The following CLASP1 variants were observed in gnomAD, a reference collection of about 807,000 sequenced individuals.
CLASP1 encodes the protein CLIP-associating protein 1.
Under a neutral mutation model 192.3 loss-of-function variants are expected in CLASP1, and 38 were observed. The observed-to-expected ratio is 0.20, with a 90% confidence interval of 0.15 to 0.26. The LOEUF is 0.26. Among genes scored for constraint, CLASP1 ranks in the 10% least tolerant of loss-of-function variants. The pLI, the probability that CLASP1 is intolerant of heterozygous loss-of-function variation, is 1.00. For missense variants in CLASP1, 1,433 were observed against 1,932.5 expected (o/e 0.74, Z 4.85); for synonymous variants, 691 against 712.8 (o/e 0.97, Z 0.49).
chr2:121,407,964 C>T, intron 24 of CLASP1: 2 of 582,796 alleles, frequency 3.4e-6, no homozygotes, highest in Non-Finnish European at 6.4e-6. Flanking sequence ...GTAGACTTTA[C>T]AGGAAGACAG....
intron 16 of CLASP1, among the ~76,000 whole-genome samples, chr2:121,449,812 G>A (rs962759838): frequency 6.6e-6 from 1 of 152,134 alleles, no homozygotes; most frequent in African/African-American, 2.4e-5. Context: ...GGCAGTCAAA[G>A]AGCAATAAGT....
intron 2 of CLASP1, chr2:121,603,019 C>G (rs2063970449): frequency 6.6e-6 from 1 of 151,856 alleles, no homozygotes; most frequent in South Asian, 2.1e-4. Flanking sequence ...AAAAGACAAG[C>G]TACAGAATGG....
At chr2:121,627,307 A>C (rs1043999963) in intron 1 of CLASP1, among the ~76,000 whole-genome samples, 22 of 152,220 alleles carry the variant, frequency 1.4e-4, no homozygotes, top group Non-Finnish European at 1.5e-5. Context: ...AAACAAAAGA[A>C]GAAAAAAGTG....
chr2:121,558,005 A>C (rs1366772834), intron 2 of CLASP1, among the ~76,000 whole-genome samples: 1 of 147,162 alleles, frequency 6.8e-6, no homozygotes, highest in Non-Finnish European at 1.5e-5. Context: ...GCTTGAACCC[A>C]GGAGGCTGAG....
chr2:121,417,952 T>C (rs985851919), intron 23 of CLASP1, among the ~76,000 whole-genome samples: 1 of 152,196 alleles, frequency 6.6e-6, no homozygotes, highest in Non-Finnish European at 1.5e-5. Context: ...ATTTCTACGT[T>C]TATGCTTATC....
chr2:121,427,390 G>A lies in CLASP1; in HGVS notation c.2044+14C>T, dbSNP rs2080610772. On this transcript the variant is annotated intron_variant, in intron 21 of 39. Coordinates refer to ENST00000263710, the Ensembl canonical transcript of CLASP1. Reference sequence around the variant, plus strand: ...CAACAACAACAAAAAAAGGCAAGAAGAGAAATGGCTTACCACCAGCAGGAT... The same window carrying A: ...CAACAACAACAAAAAAAGGCAAGAAAAGAAATGGCTTACCACCAGCAGGAT... 1 of 1,612,398 alleles carries A rather than the reference G, an allele frequency of 6.2e-7. No homozygotes were observed. The highest frequency in any genetic ancestry group is 8.5e-7 in the Non-Finnish European group (1 of 1,179,292).
chr2:121,413,309 A>T (rs538967685), intron 23 of CLASP1, among the ~76,000 whole-genome samples: 2 of 152,290 alleles, frequency 1.3e-5, no homozygotes, highest in African/African-American at 4.8e-5. Flanking sequence ...AGGGGGCTTC[A>T]TTTAGAAGAA....
In CLASP1 at chr2:121,573,216, T is replaced by A. The variant is rs540081797; in HGVS notation, c.195+32485A>T. ...CTCAGGTGATTCACCCACCTCAGCC[T>A]CCCCAAGTGCTGGGATTACAGGCGT... On this transcript the variant is annotated intron_variant, in intron 2 of 39. Transcript: ENST00000263710. Among the ~76,000 whole-genome samples the A allele has an allele frequency of 2.6e-5, 4 of 152,214 alleles. No homozygotes were observed. In the East Asian group the frequency reaches 5.8e-4, roughly 22 times the overall value.
intron 36 of CLASP1, chr2:121,364,617 C>T (rs892716371): frequency 6.1e-6 from 1 of 163,688 alleles, no homozygotes; most frequent in Admixed American, 5.7e-5. Flanking sequence ...CTGGAACCTG[C>T]CACTTGACTG....
intron 6 of CLASP1, among the ~76,000 whole-genome samples, chr2:121,517,335 T>G (rs1002121894): frequency 2.0e-5 from 3 of 152,164 alleles, no homozygotes; most frequent in African/African-American, 7.2e-5. Flanking sequence ...GAAGCAGGAA[T>G]ACAAGCAAAA....
chr2:121,640,675 C>T (rs2071883690), intron 1 of CLASP1, among the ~76,000 whole-genome samples: 1 of 144,296 alleles, frequency 6.9e-6, no homozygotes, highest in African/African-American at 2.9e-5. Flanking sequence ...GAAGAACAAC[C>T]TGAGCTGGAA....
chr2:121,496,717 T>C (rs1338913617), intron 8 of CLASP1, among the ~76,000 whole-genome samples: 2 of 152,252 alleles, frequency 1.3e-5, no homozygotes, highest in East Asian at 1.9e-4. Context: ...AATGCCGAGA[T>C]AGGTATTAGT....
intron 2 of CLASP1, among the ~76,000 whole-genome samples, chr2:121,591,584 C>T (rs1468815989): frequency 6.6e-6 from 1 of 152,124 alleles, no homozygotes; most frequent in African/African-American, 2.4e-5. Context: ...CTCTTGATTG[C>T]CCTCAGGGCT....
At chr2:121,618,957 G>A (rs2106081058) in intron 1 of CLASP1, among the ~76,000 whole-genome samples, 1 of 152,266 alleles carries the variant, frequency 6.6e-6, no homozygotes, top group East Asian at 1.9e-4. Flanking sequence ...TCTAGAAACT[G>A]GATGGATATA....
chr2:121,451,717 TG>T (rs768037130), intron 15 of CLASP1, 72 bp downstream of exon 15: 406 of 1,189,986 alleles, frequency 3.4e-4, no homozygotes, highest in Non-Finnish European at 4.6e-4. Flanking sequence ...GAAAGCCAGC[TG>T]GACCACTCAC....
At chr2:121,401,342 T>C (rs2076132830) in intron 28 of CLASP1, among the ~76,000 whole-genome samples, 167 bp downstream of exon 29, 1 of 152,228 alleles carries the variant, frequency 6.6e-6, no homozygotes, top group Non-Finnish European at 1.5e-5. Flanking sequence ...TTTCATTTCA[T>C]GGACTGGTGG....
rs139572656 is a variant in CLASP1 at position 121,591,161 on chromosome 2, C to T, written c.195+14540G>A. Among the ~76,000 whole-genome samples the T allele has an allele frequency of 3.4e-3, 512 of 148,436 alleles. 3 individuals carry two copies. The highest frequency in any genetic ancestry group is 0.012 in the African/African-American group (472 of 38,318). On this transcript the variant is annotated intron_variant, in intron 2 of 39. Transcript: ENST00000263710. Reference sequence around the variant, plus strand: ...GATTACAGGTGTGAGCCACTGCGTCCGGCCAAATTATTTGATTTTTAAAAA... The same window carrying T: ...GATTACAGGTGTGAGCCACTGCGTCTGGCCAAATTATTTGATTTTTAAAAA...
chr2:121,614,621 T>C (rs1009924985), intron 1 of CLASP1, among the ~76,000 whole-genome samples: 10 of 152,234 alleles, frequency 6.6e-5, no homozygotes, highest in Non-Finnish European at 1.3e-4. Flanking sequence ...TCAATGGGTA[T>C]TTGTAGAATG....
intron 1 of CLASP1, among the ~76,000 whole-genome samples, chr2:121,641,490 T>A (rs2072066377): frequency 6.6e-6 from 1 of 152,104 alleles, no homozygotes; most frequent in South Asian, 2.1e-4. Context: ...ACTACAACAA[T>A]CTGTCCCACA....
Sources: gnomAD v4.1 joint callset for allele counts (sites outside exome capture counted in the v4.1 genomes callset) on GRCh38, gnomAD v4.1.1 for gene constraint, MANE v1.5 for transcripts, NCBI Gene and HGNC (gene_info 2026-07-23, HGNC 2026-07-21) for gene names.